Variants in RAPGEF5 observed in about 807,000 individuals in gnomAD.
The protein encoded by RAPGEF5 is M-Ras-regulated GEF.
Under a neutral mutation model 125.2 loss-of-function variants are expected in RAPGEF5, and 65 were observed. The ratio of observed to expected loss-of-function variants is 0.52; its 90% CI spans 0.43 to 0.64. The LOEUF (loss-of-function observed/expected upper bound fraction) is 0.64. RAPGEF5 is among the 30% of genes least tolerant of loss of function. The probability of loss-of-function intolerance (pLI) is 0.00; values close to 1 mark genes in which losing one functional copy is unlikely to be tolerated. For synonymous variants in RAPGEF5, 391 were observed against 385.9 expected (o/e 1.01, Z -0.16); for missense variants, 958 against 1,048.1 (o/e 0.91, Z 1.19).
At chr7:22,296,438 T>C (rs1371597806) in intron 5 of RAPGEF5, among the ~76,000 whole-genome samples, 1 of 152,052 alleles carries the variant, frequency 6.6e-6, no homozygotes, top group Non-Finnish European at 1.5e-5. Context: ...TTCCCCAGAA[T>C]AGAACGGGTA....
chr7:22,310,945 A>G (rs2128153148), intron 3 of RAPGEF5, among the ~76,000 whole-genome samples: 1 of 152,308 alleles, frequency 6.6e-6, no homozygotes, highest in Admixed American at 6.5e-5. Context: ...TCAGGGGGAA[A>G]ACAAAAAGAA....
intron 5 of RAPGEF5, among the ~76,000 whole-genome samples, chr7:22,291,766 C>T (rs551424658): frequency 6.6e-6 from 1 of 152,202 alleles, no homozygotes; most frequent in East Asian, 1.9e-4. Flanking sequence ...TTTGTATTTG[C>T]TTTCTCAAGA....
chr7:22,354,087 A>AC (rs1554279717), intron 1 of RAPGEF5, among the ~76,000 whole-genome samples: 4 of 152,052 alleles, frequency 2.6e-5, no homozygotes, highest in African/African-American at 4.8e-5. Flanking sequence ...AAACAAAACA[A>AC]AACAACAACA....
intron 6 of RAPGEF5, among the ~76,000 whole-genome samples, chr7:22,280,849 C>A (rs1359111495): frequency 6.6e-6 from 1 of 152,132 alleles, no homozygotes; most frequent in African/African-American, 2.4e-5. Context: ...AGAATGTCAG[C>A]CTAACTAAAT....
intron 7 of RAPGEF5, among the ~76,000 whole-genome samples, chr7:22,254,929 CCTA>C (rs947262481): frequency 1.2e-4 from 19 of 152,124 alleles, no homozygotes; most frequent in African/African-American, 4.6e-4. Flanking sequence ...CCACTCACCT[CCTA>C]CTGTGCAGCC....
At chr7:22,207,965 C>T (rs1461435295) in intron 9 of RAPGEF5, among the ~76,000 whole-genome samples, 1 of 152,066 alleles carries the variant, frequency 6.6e-6, no homozygotes, top group Non-Finnish European at 1.5e-5. Flanking sequence ...GAAACAAATA[C>T]CTTATTCAAA....
At chr7:22,130,851 G>C in intron 24 of RAPGEF5, 186 bp downstream of exon 24, 1 of 725,536 alleles carries the variant, frequency 1.4e-6, no homozygotes, top group Non-Finnish European at 2.2e-6. Flanking sequence ...TTGTTAATTG[G>C]AATACATTTT....
At chr7:22,277,580 G>A (rs1782585007) in intron 6 of RAPGEF5, among the ~76,000 whole-genome samples, 1 of 152,184 alleles carries the variant, frequency 6.6e-6, no homozygotes, top group African/African-American at 2.4e-5. Flanking sequence ...CTCTAGGGGA[G>A]CATGTTCTTC....
In RAPGEF5 at chr7:22,214,074, G is replaced by C. The variant is rs146208844; in HGVS notation, c.996+5792C>G. 8.8e-4 allele frequency among the ~76,000 whole-genome samples: 134 copies of C among 152,240 alleles called. 2 individuals are homozygous for C. In the Middle Eastern group the frequency reaches 0.014, roughly 16 times the overall value. ...AATACTCCAAACCACTTCTCCCCTC[G>C]TAATCCTTAAACAAGGAACCTTTGA... is the stretch of plus-strand genomic sequence containing the variant. On this transcript the variant is annotated intron_variant, in intron 9 of 25. Coordinates refer to ENST00000665637, the MANE Select transcript of RAPGEF5 (RefSeq NM_012294.5).
chr7:22,284,935 A>C (rs1357223928), intron 6 of RAPGEF5, among the ~76,000 whole-genome samples: 1 of 152,248 alleles, frequency 6.6e-6, no homozygotes, highest in Non-Finnish European at 1.5e-5. Context: ...ATGGGGTTAC[A>C]TCCCAATAAA....
Position 22,301,309 on chromosome 7 carries a change from T to C in RAPGEF5, c.680+7030A>G, listed in dbSNP as rs73282243. ...TAAACAAGAGGCCAAAAAGTCAAGGTTTGCAGCAAAAAAATTAAGAGTAGG... is the reference window on the plus strand; with the variant it reads ...TAAACAAGAGGCCAAAAAGTCAAGGCTTGCAGCAAAAAAATTAAGAGTAGG... On this transcript the variant is annotated intron_variant, in intron 5 of 25. Transcript: ENST00000665637. Among the ~76,000 whole-genome samples, 550 of 151,918 alleles carry C rather than the reference T, an allele frequency of 3.6e-3. 6 individuals carry two copies. Among genetic ancestry groups the C allele is most frequent in the African/African-American group, 0.012 (517 of 41,448 alleles).
At chr7:22,131,251 T>G (rs560661839) in intron 23 of RAPGEF5, 150 bp from the exon 24 acceptor site, 6 of 1,058,446 alleles carry the variant, frequency 5.7e-6, no homozygotes, top group East Asian at 5.8e-5. Flanking sequence ...AAATTGGATT[T>G]ATGTGTTATT....
At chr7:22,192,992 T>C (rs2128125802) in intron 11 of RAPGEF5, 1 of 273,868 alleles carries the variant, frequency 3.7e-6, no homozygotes, top group African/African-American at 2.2e-5. Context: ...AGCTCAGCAC[T>C]GCCTACATGC....
chr7:22,257,400 T>C (rs111600262), intron 7 of RAPGEF5, among the ~76,000 whole-genome samples: 3 of 152,178 alleles, frequency 2.0e-5, no homozygotes, highest in Admixed American at 2.0e-4. Context: ...AATAAGAAGT[T>C]TACCTTTCTC....
At chr7:22,248,490 C>G (rs11975330) in intron 7 of RAPGEF5, among the ~76,000 whole-genome samples, 36,410 of 152,036 alleles carry the variant, frequency 0.24, 5,569 homozygotes, top group African/African-American at 0.44. Context: ...GTGATGGAAT[C>G]TGCCCCTTCC....
At chr7:22,200,122 G>A (rs1785244195) in intron 9 of RAPGEF5, among the ~76,000 whole-genome samples, 1 of 151,914 alleles carries the variant, frequency 6.6e-6, no homozygotes, top group Non-Finnish European at 1.5e-5. Context: ...TTCACATAAA[G>A]CCTAGCTGAC....
intron 1 of RAPGEF5, among the ~76,000 whole-genome samples, chr7:22,336,140 T>C (rs1199514486): frequency 6.6e-6 from 1 of 152,194 alleles, no homozygotes; most frequent in Non-Finnish European, 1.5e-5. Flanking sequence ...CCTAAGTGAC[T>C]TCCCTGCCTT....
intron 8 of RAPGEF5, among the ~76,000 whole-genome samples, chr7:22,227,581 T>G (rs1158407097): frequency 6.6e-6 from 1 of 152,180 alleles, no homozygotes; most frequent in Non-Finnish European, 1.5e-5. Flanking sequence ...GGCTAACGCC[T>G]GTAATCTCGG....
intron 5 of RAPGEF5, among the ~76,000 whole-genome samples, chr7:22,291,587 G>C (rs1482212230): frequency 6.6e-6 from 1 of 152,272 alleles, no homozygotes; most frequent in Admixed American, 6.5e-5. Context: ...GTTAAGTGCT[G>C]AAATTTCCTA....
Sources: allele counts gnomAD v4.1 joint callset (sites outside exome capture counted in the v4.1 genomes callset), GRCh38; gene constraint gnomAD v4.1.1; transcripts MANE v1.5; gene names NCBI Gene and HGNC (gene_info 2026-07-23, HGNC 2026-07-21).